Variants in CDC42BPA observed in about 807,000 individuals in gnomAD.
CDC42BPA encodes CDC42 binding protein kinase alpha.
Under a neutral mutation model 223.5 loss-of-function variants are expected in CDC42BPA, and 80 were observed. The ratio of observed to expected loss-of-function variants is 0.36; its 90% CI spans 0.30 to 0.43. The LOEUF is 0.43. Among genes scored for constraint, CDC42BPA ranks in the 20% least tolerant of loss-of-function variants. The probability of loss-of-function intolerance (pLI) is 1.00; values close to 1 mark genes in which losing one functional copy is unlikely to be tolerated. For synonymous variants in CDC42BPA, 694 were observed against 718.6 expected (o/e 0.97, Z 0.55); for missense variants, 1,743 against 2,099.9 (o/e 0.83, Z 3.32).
At chr1:227,243,499 A>T (rs1318070767) in intron 2 of CDC42BPA, among the ~76,000 whole-genome samples, 1 of 152,178 alleles carries the variant, frequency 6.6e-6, no homozygotes, top group Non-Finnish European at 1.5e-5. Flanking sequence ...ATACCTCAGA[A>T]AACACAAAAC....
chr1:227,198,950 G>A (rs376698714), intron 4 of CDC42BPA, among the ~76,000 whole-genome samples: 6 of 152,074 alleles, frequency 3.9e-5, no homozygotes, highest in Admixed American at 1.3e-4. Flanking sequence ...GGGTTTCACC[G>A]TGTTAGCTAG....
chr1:227,223,865 G>C (rs1242486206), intron 2 of CDC42BPA, among the ~76,000 whole-genome samples: 1 of 152,110 alleles, frequency 6.6e-6, no homozygotes, highest in East Asian at 1.9e-4. Flanking sequence ...ACGCAGTCAT[G>C]AGGGCAAACA....
intron 19 of CDC42BPA, 132 bp downstream of exon 19, chr1:227,073,732 T>C (rs1177871893): frequency 1.5e-6 from 1 of 670,810 alleles, no homozygotes; most frequent in Non-Finnish European, 2.4e-6. Flanking sequence ...CTAGTTATTT[T>C]CAAATCTTTG....
chr1:227,220,119 A>G (rs1315675387), intron 2 of CDC42BPA, among the ~76,000 whole-genome samples: 1 of 151,466 alleles, frequency 6.6e-6, no homozygotes, highest in Non-Finnish European at 1.5e-5. Context: ...GCTGCCACCA[A>G]CTCCCCAGCC....
Position 227,035,606 on chromosome 1 carries a change from C to A in CDC42BPA, c.3201G>T (p.Val1067=), listed in dbSNP as rs527338654. ...AAGTTATATGGCATGAGAATCCACA[C>A]ACTTTTAGAGGGAAAAAAGAAACGT... The part of the protein sequence containing the change: ...GLIRQGCSCE[V]CGFSCHITCV... Residue 1067 remains valine, a splice_region_variant and synonymous_variant, in exon 25 of 37, where the codon GTG becomes GTT. Transcript: ENST00000366766. 6.3e-7 allele frequency: 1 copy of A among 1,581,566 alleles called. No individual in the cohort carries two copies. Among genetic ancestry groups the A allele is most frequent in the South Asian group, 1.2e-5 (1 of 84,292 alleles).
In CDC42BPA at chr1:227,130,629, T is replaced by C. The variant is rs573925720; in HGVS notation, c.1391-1398A>G. On this transcript the variant is annotated intron_variant, in intron 10 of 36. Coordinates refer to ENST00000366766, the MANE Select transcript of CDC42BPA (RefSeq NM_001394014.1). ...CAGCGCTTTGGGAGGCCAAGGCAGATGAATCACCTGAGGTTGGGAGTTTGA... is the reference window on the plus strand; with the variant it reads ...CAGCGCTTTGGGAGGCCAAGGCAGACGAATCACCTGAGGTTGGGAGTTTGA... 1.2e-4 allele frequency among the ~76,000 whole-genome samples: 19 copies of C among 152,162 alleles called. No homozygotes were observed. In the East Asian group the frequency reaches 3.5e-3, roughly 28 times the overall value.
chr1:227,239,517 A>T (rs1679664518), intron 2 of CDC42BPA, among the ~76,000 whole-genome samples: 1 of 152,130 alleles, frequency 6.6e-6, no homozygotes, highest in African/African-American at 2.4e-5. Context: ...TAAGTGTGGG[A>T]ACAGGAGGTA....
At chr1:227,243,488 T>C (rs901974264) in intron 2 of CDC42BPA, among the ~76,000 whole-genome samples, 4 of 152,134 alleles carry the variant, frequency 2.6e-5, no homozygotes, top group Admixed American at 1.3e-4. Flanking sequence ...AACTTTGACC[T>C]ATACCTCAGA....
intron 5 of CDC42BPA, among the ~76,000 whole-genome samples, chr1:227,170,221 A>G (rs1665851920): frequency 6.6e-6 from 1 of 152,128 alleles, no homozygotes; most frequent in African/African-American, 2.4e-5. Context: ...TCTAGAGAAC[A>G]TACTTATCAT....
intron 2 of CDC42BPA, among the ~76,000 whole-genome samples, chr1:227,229,816 A>G (rs548406408): frequency 1.3e-3 from 203 of 152,224 alleles, no homozygotes; most frequent in Non-Finnish European, 2.3e-3. Flanking sequence ...TTAGAAGTGA[A>G]CTGTCTTACT....
In CDC42BPA at chr1:227,193,018, G is replaced by GT. The variant is rs1669970805; in HGVS notation, c.599+767dup. Among the ~76,000 whole-genome samples the GT allele has an allele frequency of 4.0e-5, 6 of 148,846 alleles. 1 individual carries two copies. The South Asian group carries it at 1.1e-3, about 26-fold the overall frequency. ...TCATATGTACATTTAAACAAGAGTG[G>GT]TTTTTTAAGAAGTGATTTCTAGAAA... On this transcript the variant is annotated intron_variant, in intron 5 of 36. Transcript: ENST00000366766.
At chr1:227,315,955 CAAAAAAAAA>C (rs71180728) in intron 1 of CDC42BPA, among the ~76,000 whole-genome samples, 4 of 110,980 alleles carry the variant, frequency 3.6e-5, no homozygotes, top group Admixed American at 8.8e-5. Flanking sequence ...ATTTCAAATC[CAAAAAAAAA>C]AAAAAAAAAA....
intron 14 of CDC42BPA, among the ~76,000 whole-genome samples, chr1:227,105,351 ATTCTCTT>A (rs1361847786): frequency 7.9e-6 from 1 of 126,016 alleles, no homozygotes; most frequent in Non-Finnish European, 1.6e-5. Flanking sequence ...GAATTTGCCT[ATTCTCTT>A]TTTTTTTTTT....
intron 1 of CDC42BPA, among the ~76,000 whole-genome samples, chr1:227,294,226 C>T (rs1041540180): frequency 2.0e-5 from 3 of 150,284 alleles, no homozygotes; most frequent in African/African-American, 4.9e-5. Flanking sequence ...GAGCTGAGAT[C>T]GCGCCACTGC....
intron 34 of CDC42BPA, chr1:227,010,840 G>C (rs752795366): frequency 8.1e-7 from 1 of 1,238,548 alleles, no homozygotes; most frequent in Admixed American, 2.4e-5. Flanking sequence ...ATCCATACAT[G>C]GTTAGTGAAA....
At chr1:227,289,337 T>C (rs1303972457) in intron 1 of CDC42BPA, among the ~76,000 whole-genome samples, 3 of 152,196 alleles carry the variant, frequency 2.0e-5, no homozygotes, top group Non-Finnish European at 4.4e-5. Flanking sequence ...TTTTCCATCT[T>C]AAGGACCCAG....
At chr1:227,146,196 T>C (rs1660678812) in intron 7 of CDC42BPA, among the ~76,000 whole-genome samples, 2 of 152,156 alleles carry the variant, frequency 1.3e-5, no homozygotes, top group African/African-American at 4.8e-5. Context: ...TTTAGGTGGG[T>C]ACTCCTACTA....
At chr1:227,075,161 A>T (rs1385305032) in intron 17 of CDC42BPA, among the ~76,000 whole-genome samples, 1 of 152,218 alleles carries the variant, frequency 6.6e-6, no homozygotes, top group African/African-American at 2.4e-5. Context: ...TACTGCACAA[A>T]CAAAAAAAAT....
At chr1:227,083,685 T>A (rs1313118451) in intron 16 of CDC42BPA, among the ~76,000 whole-genome samples, 3 of 152,208 alleles carry the variant, frequency 2.0e-5, no homozygotes, top group African/African-American at 7.2e-5. Context: ...CTGGATAATA[T>A]CTTCCTCCAC....
Sources: gnomAD v4.1 joint callset for allele counts (sites outside exome capture counted in the v4.1 genomes callset) on GRCh38, gnomAD v4.1.1 for gene constraint, MANE v1.5 for transcripts, NCBI Gene and HGNC (gene_info 2026-07-23, HGNC 2026-07-21) for gene names.